VWF: variants seen among roughly 807,000 people sequenced by gnomAD.
VWF encodes the protein von Willebrand factor.
A neutral mutation model predicts 308.6 loss-of-function variants in VWF; 176 were observed. The ratio of observed to expected loss-of-function variants is 0.57; its 90% CI spans 0.50 to 0.65. The LOEUF (loss-of-function observed/expected upper bound fraction) is 0.65. Among genes scored for constraint, VWF ranks in the 30% least tolerant of loss-of-function variants. The pLI, the probability that VWF is intolerant of heterozygous loss-of-function variation, is 0.00. For synonymous variants in VWF, 1,385 were observed against 1,443.4 expected (o/e 0.96, Z 0.92); for missense variants, 3,146 against 3,648.2 (o/e 0.86, Z 3.55).
intron 8 of VWF, 55 bp downstream of exon 8, chr12:6,073,564 A>T: frequency 6.2e-7 from 1 of 1,612,530 alleles, no homozygotes; most frequent in Non-Finnish European, 8.5e-7. Flanking sequence ...CACTTCCCAA[A>T]GCCAAGGGTG....
chr12:6,029,267 G>C, intron 22 of VWF, 75 bp downstream of exon 22: 3 of 1,598,820 alleles, frequency 1.9e-6, no homozygotes, highest in South Asian at 2.2e-5. Context: ...CAAGTCCTTA[G>C]AGACCTACGA....
intron 34 of VWF, among the ~76,000 whole-genome samples, chr12:5,998,693 C>T (rs945075569): frequency 1.3e-4 from 19 of 151,286 alleles, no homozygotes; most frequent in African/African-American, 4.1e-4. Flanking sequence ...AAGTAGAAAA[C>T]AAGAAAATAC....
chr12:5,974,459 G>A (rs377504156), intron 43 of VWF, among the ~76,000 whole-genome samples: 87 of 152,146 alleles, frequency 5.7e-4, no homozygotes, highest in African/African-American at 1.7e-3. Context: ...GCTTTTCTAC[G>A]CAGCCAGGAT....
At chr12:6,072,584 A>G in intron 8 of VWF, 142 bp from the exon 9 acceptor site, 1 of 722,184 alleles carries the variant, frequency 1.4e-6, no homozygotes, top group South Asian at 1.5e-5. Context: ...TCTTTCACAT[A>G]ATGCAATATA....
At position 5,949,128 on chromosome 12, in the gene VWF, T is replaced by G; in HGVS notation, c.8329A>C (p.Thr2777Pro). ...GCCACCTGCATGGGCTCCGTCCGTG[T>G]CGGAGAGCAGCAGGAGCACTGGTCC... ...VQDQCSCCSP[T>P]RTEPMQVALH... Residue 2777 changes from threonine (T) to proline (P), a missense_variant, in exon 52 of 52, where the codon ACA (threonine) becomes CCA (proline). Around this residue, in one of 3 missense-constraint regions of VWF, gnomAD observed 989 missense variants for 1,117.4 expected, o/e 0.89. Coordinates refer to ENST00000261405, the MANE Select transcript of VWF (RefSeq NM_000552.5). The G allele has an allele frequency of 6.2e-7, 1 of 1,614,212 alleles. No individual in the cohort carries two copies. Among genetic ancestry groups the G allele is most frequent in the Non-Finnish European group, 8.5e-7 (1 of 1,180,036 alleles).
rs1565853711 is a variant in VWF, at chr12:6,075,116, G to A, written c.874+219C>T. On this transcript the variant is annotated intron_variant, in intron 7 of 51. Coordinates refer to ENST00000261405, the MANE Select transcript of VWF (RefSeq NM_000552.5). The surrounding 1 kb of genome is among the most constrained non-coding windows in gnomAD (Gnocchi z 4.7). The stretch of plus-strand genomic sequence containing the variant: ...GCCAGGGGAGGCGTGGGGGCGGGAC[G>A]GAGGCAGGGGCAGGACACGGGGCTT... Among the ~76,000 whole-genome samples the A allele has an allele frequency of 6.6e-6, 1 of 151,722 alleles. No individual in the cohort carries two copies. The highest frequency in any genetic ancestry group is 1.5e-5 in the Non-Finnish European group (1 of 67,910).
chr12:5,995,457 C>T (rs1006845915), intron 35 of VWF, among the ~76,000 whole-genome samples: 7 of 152,130 alleles, frequency 4.6e-5, no homozygotes, highest in Admixed American at 1.3e-4. Context: ...GTTGTTTTCA[C>T]ACAATGAAAT....
chr12:6,038,143 G>A (rs904729310), intron 18 of VWF, among the ~76,000 whole-genome samples: 7 of 152,174 alleles, frequency 4.6e-5, no homozygotes, highest in African/African-American at 1.7e-4. Context: ...GTAGGAGCTG[G>A]CAGGGCTGAA....
chr12:6,041,408 T>C (rs910609898), intron 18 of VWF, among the ~76,000 whole-genome samples: 9 of 151,082 alleles, frequency 6.0e-5, no homozygotes, highest in Non-Finnish European at 1.2e-4. Flanking sequence ...GCAGCCTGGG[T>C]GACAGAGCAA....
intron 34 of VWF, among the ~76,000 whole-genome samples, chr12:6,007,553 CT>C (rs1178274530): frequency 6.6e-6 from 1 of 151,988 alleles, no homozygotes; most frequent in Admixed American, 6.6e-5. Flanking sequence ...CATAGCAAAG[CT>C]TATGGGAAAC....
At chr12:5,964,282 A>ACATACATACATACATGCATGCATG (rs1269684878) in intron 47 of VWF, among the ~76,000 whole-genome samples, 1 of 143,364 alleles carries the variant, frequency 7.0e-6, no homozygotes, top group South Asian at 2.1e-4. Context: ...ATGCATACAT[A>ACATACATACATACATGCATGCATG]CATGCATACA....
chr12:5,961,220 C>T (rs1344998388), intron 47 of VWF, among the ~76,000 whole-genome samples: 1 of 152,080 alleles, frequency 6.6e-6, no homozygotes, highest in Non-Finnish European at 1.5e-5. Flanking sequence ...TTATATATTA[C>T]AATACAATAA....
rs796587499 is a variant in VWF, at chr12:6,092,611, G to T, written c.657+2849C>A. On this transcript the variant is annotated intron_variant, in intron 6 of 51. Transcript: ENST00000261405. ...CACCATGCCCAGCTAGTTAGTGAGTGAGTGAGAGTGTGTGTGTGTGTGTGT... is the reference window on the plus strand; with the variant it reads ...CACCATGCCCAGCTAGTTAGTGAGTTAGTGAGAGTGTGTGTGTGTGTGTGT... Among the ~76,000 whole-genome samples, 233 of 76,224 alleles carry T rather than the reference G, an allele frequency of 3.1e-3. 2 individuals are homozygous for T. Among genetic ancestry groups the T allele is most frequent in the African/African-American group, 0.018 (217 of 11,938 alleles). 50.0% of individuals were successfully genotyped at this position (76,224 alleles called of 152,430 possible).
Position 6,110,966 on chromosome 12 carries a change from C to G in VWF, c.223G>C (p.Asp75His). ...CTCACTCTCTTGCCATTCTGGAAGT[C>G]CCCTGAAAGAGAAAAAAGTCAATAG... ...CQKRSFSIIG[D>H]FQNGKRVSLS... Residue 75 changes from aspartate (D) to histidine (H), a missense_variant and splice_region_variant, in exon 4 of 52, where the codon GAC (aspartate) becomes CAC (histidine). By Grantham distance (81) the Asp-to-His change is moderately conservative. Coordinates refer to ENST00000261405, the MANE Select transcript of VWF (RefSeq NM_000552.5). 1 of 1,613,822 alleles carries G rather than the reference C, an allele frequency of 6.2e-7. No homozygotes were observed.
rs767200162 is a variant in VWF at position 6,057,962 on chromosome 12, G to A, written c.1616C>T (p.Ser539Phe). The change falls in exon 14 of 52, where the codon TCT becomes TTT. Residue 539 changes from serine (S) to phenylalanine (F), a missense_variant. Physicochemically the swap from Ser to Phe is radical, Grantham distance 155. Transcript: ENST00000261405. ...GNQGDDFLTP[S>F]GLAEPRVEDF... ...CTCCACCCGGGGCTCCGCCAGCCCA[G>A]AGGGGGTAAGGAAGTCGTCGCCCTG... 1.2e-6 allele frequency: 2 copies of A among 1,613,782 alleles called. No homozygotes were observed. The highest frequency in any genetic ancestry group is 1.7e-6 in the Non-Finnish European group (2 of 1,180,050).
At chr12:5,987,596 C>T (rs529432762) in intron 38 of VWF, among the ~76,000 whole-genome samples, 5 of 152,218 alleles carry the variant, frequency 3.3e-5, no homozygotes, top group East Asian at 1.9e-4. Flanking sequence ...AAGACTCATT[C>T]GTGAAAATCT....
chr12:5,986,914 GGTT>G (rs1943686007), intron 38 of VWF, among the ~76,000 whole-genome samples: 1 of 82,342 alleles, frequency 1.2e-5, no homozygotes, highest in South Asian at 4.2e-4. Context: ...TTTATGTTTT[GGTT>G]TTTGTTTGTT....
rs375741263 is a variant in VWF, at chr12:6,016,256, C to G, written c.5312-24G>C. The G allele has an allele frequency of 2.7e-5, 43 of 1,614,118 alleles. No homozygotes were observed. The African/African-American group carries it at 2.9e-4, about 11-fold the overall frequency. Reference sequence around the variant, plus strand: ...CCCTGAGGATGGAGAACAGATCACGCCAAGTCAGTACTGACTGCGGCTCGA... The same window carrying G: ...CCCTGAGGATGGAGAACAGATCACGGCAAGTCAGTACTGACTGCGGCTCGA... On this transcript the variant is annotated intron_variant, in intron 30 of 51. Coordinates refer to ENST00000261405, the MANE Select transcript of VWF (RefSeq NM_000552.5).
chr12:6,008,624 C>G (rs1329100091), intron 34 of VWF, among the ~76,000 whole-genome samples: 1 of 152,140 alleles, frequency 6.6e-6, no homozygotes, highest in Non-Finnish European at 1.5e-5. Context: ...CAAAGATGCC[C>G]ACTCTCACCA....
Sources: allele counts gnomAD v4.1 joint callset (sites outside exome capture counted in the v4.1 genomes callset), GRCh38; gene constraint gnomAD v4.1.1; regional missense constraint gnomAD v4.1.1; non-coding constraint Gnocchi (gnomAD v3.1); transcripts MANE v1.5; gene names NCBI Gene and HGNC (gene_info 2026-07-23, HGNC 2026-07-21).